Variants in KAT6B observed in about 807,000 individuals in gnomAD.
KAT6B encodes histone acetyltransferase KAT6B.
Under a neutral mutation model 187.5 loss-of-function variants are expected in KAT6B, and 10 were observed. The observed-to-expected ratio is 0.05, with a 90% CI of 0.03 to 0.09. The LOEUF is 0.09. KAT6B is among the 10% of genes least tolerant of loss of function. The pLI is 1.00. For missense variants in KAT6B, 1,952 were observed against 2,558.9 expected (o/e 0.76, Z 5.12); for synonymous variants, 861 against 926.8 (o/e 0.93, Z 1.29).
chr10:75,012,875 G>A (rs948610861), intron 13 of KAT6B, among the ~76,000 whole-genome samples: 5 of 152,134 alleles, frequency 3.3e-5, no homozygotes, highest in African/African-American at 1.2e-4. Flanking sequence ...CACTGTGGGA[G>A]TTGAAGGAAG....
intron 3 of KAT6B, among the ~76,000 whole-genome samples, chr10:74,896,249 A>G (rs962295285): frequency 6.6e-6 from 1 of 152,116 alleles, no homozygotes; most frequent in Non-Finnish European, 1.5e-5. Context: ...TGGGCCTACC[A>G]TAATATCTAG....
intron 3 of KAT6B, among the ~76,000 whole-genome samples, chr10:74,869,776 A>G (rs972612864): frequency 2.6e-5 from 4 of 152,222 alleles, no homozygotes; most frequent in African/African-American, 9.6e-5. Flanking sequence ...AAGCTTCATG[A>G]AGACAGGGAC....
intron 3 of KAT6B, among the ~76,000 whole-genome samples, chr10:74,940,901 C>T (rs921338027): frequency 4.6e-5 from 7 of 152,184 alleles, no homozygotes; most frequent in Admixed American, 4.6e-4. Context: ...GTCCAGTGTT[C>T]TGATGATTCA....
intron 4 of KAT6B, among the ~76,000 whole-genome samples, chr10:74,960,855 G>T (rs1841051017): frequency 6.6e-6 from 1 of 152,220 alleles, no homozygotes; most frequent in African/African-American, 2.4e-5. Context: ...TTATGGTTTA[G>T]CATGTTTGAT....
chr10:74,938,788 G>A (rs1849446378), intron 3 of KAT6B, among the ~76,000 whole-genome samples: 1 of 152,032 alleles, frequency 6.6e-6, no homozygotes, highest in Admixed American at 6.6e-5. Flanking sequence ...ACAGGCTGGA[G>A]TGCAATGGCA....
intron 3 of KAT6B, among the ~76,000 whole-genome samples, chr10:74,953,758 G>A (rs1244760413): frequency 2.6e-5 from 4 of 152,174 alleles, no homozygotes; most frequent in Non-Finnish European, 5.9e-5. Flanking sequence ...TTGTCAGGAG[G>A]AGGATATGAA....
chr10:74,958,690 C>T (rs938284606), intron 3 of KAT6B, among the ~76,000 whole-genome samples: 2 of 151,838 alleles, frequency 1.3e-5, no homozygotes, highest in African/African-American at 2.4e-5. Flanking sequence ...AATTTTCATA[C>T]GAGAGTTAAA....
At chr10:74,993,506 T>G (rs1186024662) in intron 13 of KAT6B, among the ~76,000 whole-genome samples, 1 of 152,236 alleles carries the variant, frequency 6.6e-6, no homozygotes. Flanking sequence ...AAAGATGCTC[T>G]CATATATAGC....
At chr10:74,928,927 T>C (rs1425116526) in intron 3 of KAT6B, among the ~76,000 whole-genome samples, 1 of 152,214 alleles carries the variant, frequency 6.6e-6, no homozygotes. Context: ...TTTTTCTCTT[T>C]GGTTATGTGG....
At chr10:74,941,966 A>G (rs1394732523) in intron 3 of KAT6B, among the ~76,000 whole-genome samples, 1 of 152,168 alleles carries the variant, frequency 6.6e-6, no homozygotes, top group African/African-American at 2.4e-5. Context: ...CCTGGCCAAC[A>G]TGGCGAAACC....
intron 3 of KAT6B, among the ~76,000 whole-genome samples, chr10:74,952,381 G>A (rs1042917023): frequency 3.3e-5 from 5 of 152,026 alleles, no homozygotes; most frequent in African/African-American, 1.2e-4. Context: ...GGAGATTCTG[G>A]AGTGGTGCCA....
chr10:74,839,389 C>T (rs1483650506), intron 2 of KAT6B, among the ~76,000 whole-genome samples: 3 of 151,800 alleles, frequency 2.0e-5, no homozygotes, highest in Non-Finnish European at 2.9e-5. Context: ...TGCCACCATG[C>T]TTGGCTAATT....
At chr10:74,920,745 T>C (rs972253552) in intron 3 of KAT6B, among the ~76,000 whole-genome samples, 6 of 152,184 alleles carry the variant, frequency 3.9e-5, no homozygotes, top group African/African-American at 1.4e-4. Flanking sequence ...CAAACTCTGG[T>C]GATTTCTCCT....
At chr10:74,853,227 T>G (rs938495071) in intron 3 of KAT6B, among the ~76,000 whole-genome samples, 9 of 149,920 alleles carry the variant, frequency 6.0e-5, no homozygotes, top group Non-Finnish European at 7.4e-5. Flanking sequence ...TGATCCTTGA[T>G]CCTCCCACCT....
intron 3 of KAT6B, among the ~76,000 whole-genome samples, chr10:74,894,778 T>C (rs1845871277): frequency 6.6e-6 from 1 of 152,208 alleles, no homozygotes; most frequent in Admixed American, 6.5e-5. Context: ...TAATATTCCA[T>C]TGTATGGATA....
At chr10:74,907,867 T>C (rs989726145) in intron 3 of KAT6B, among the ~76,000 whole-genome samples, 2 of 152,224 alleles carry the variant, frequency 1.3e-5, no homozygotes, top group African/African-American at 4.8e-5. Flanking sequence ...GCAATAGTTA[T>C]TCCTTTGAAC....
intron 1 of KAT6B, among the ~76,000 whole-genome samples, chr10:74,833,877 GA>G (rs1841067763): frequency 1.3e-5 from 2 of 152,324 alleles, no homozygotes; most frequent in East Asian, 1.9e-4. Flanking sequence ...AAAAGATGGG[GA>G]ATTAAATATT....
At chr10:74,937,189 T>C (rs1022769192) in intron 3 of KAT6B, among the ~76,000 whole-genome samples, 1 of 152,200 alleles carries the variant, frequency 6.6e-6, no homozygotes, top group Non-Finnish European at 1.5e-5. Context: ...GACTGAGAAT[T>C]GTATGTTTAG....
At position 74,975,775 on chromosome 10, in the gene KAT6B, G is replaced by T. The variant is rs776430186; in HGVS notation, c.1438G>T (p.Ala480Ser). 1 of 1,614,014 alleles carries T rather than the reference G, an allele frequency of 6.2e-7. No homozygotes were observed. The highest frequency in any genetic ancestry group is 1.3e-5 in the African/African-American group (1 of 74,890). Residue 480 changes from alanine (A) to serine (S), a missense_variant, in exon 8 of 18, where the codon GCT becomes TCT. By Grantham distance (99) the Ala-to-Ser change is moderately conservative. Around this residue, in one of 9 missense-constraint regions of KAT6B, gnomAD observed 417 missense variants for 508.9 expected, o/e 0.82. Transcript: ENST00000287239. Reference protein sequence around the residue: ...QKQSCTSHVLATGTTQKLKPP... With the variant: ...QKQSCTSHVLSTGTTQKLKPP... ...ACAGTCATGCACTTCTCATGTGTTG[G>T]CTACAGGTACCACACAAAAGCTAAA...
Sources: allele counts gnomAD v4.1 joint callset (sites outside exome capture counted in the v4.1 genomes callset), GRCh38; gene constraint gnomAD v4.1.1; regional missense constraint gnomAD v4.1.1; transcripts MANE v1.5; gene names NCBI Gene and HGNC (gene_info 2026-07-23, HGNC 2026-07-21).